The following TMEM45B variants were observed in gnomAD, a reference collection of about 807,000 sequenced individuals.
TMEM45B encodes transmembrane protein 45B.
In TMEM45B, 29 loss-of-function variants were observed where a neutral mutation model predicts 27.3. The observed-to-expected ratio is 1.06, with a 90% CI of 0.79 to 1.45. The LOEUF is 1.45. TMEM45B is among the 40% of genes most tolerant of loss of function. The pLI, the probability that TMEM45B is intolerant of heterozygous loss-of-function variation, is 0.00. For missense variants in TMEM45B, 348 were observed against 343.9 expected (o/e 1.01, Z -0.09); for synonymous variants, 143 against 134.7 (o/e 1.06, Z -0.43).
chr11:129,856,052 T>G (rs1208204950), intron 4 of TMEM45B, among the ~76,000 whole-genome samples, 160 bp downstream of exon 4: 8 of 152,154 alleles, frequency 5.3e-5, no homozygotes, highest in Non-Finnish European at 8.8e-5. Flanking sequence ...TGCCCGCCCT[T>G]TGACTCCTAG....
intron 1 of TMEM45B, among the ~76,000 whole-genome samples, chr11:129,836,526 T>C (rs530322483): frequency 1.3e-5 from 2 of 152,300 alleles, no homozygotes; most frequent in East Asian, 3.9e-4. Flanking sequence ...GTTGAAGTCT[T>C]ATCTCCCAGT....
intron 5 of TMEM45B, among the ~76,000 whole-genome samples, chr11:129,857,860 G>T (rs1947952739): frequency 6.6e-6 from 1 of 152,058 alleles, no homozygotes; most frequent in South Asian, 2.1e-4. Context: ...ATAAACCAGA[G>T]CAGAATGTTA....
intron 1 of TMEM45B, among the ~76,000 whole-genome samples, chr11:129,829,169 G>C (rs1325290123): frequency 1.3e-5 from 2 of 152,180 alleles, no homozygotes; most frequent in African/African-American, 4.8e-5. Context: ...AACCAGGACT[G>C]AACTTAGGTC....
intron 1 of TMEM45B, among the ~76,000 whole-genome samples, chr11:129,835,564 C>A (rs1947610206): frequency 6.6e-6 from 1 of 152,156 alleles, no homozygotes; most frequent in Admixed American, 6.5e-5. Flanking sequence ...ATGAGTTATC[C>A]TTAAAGGAAA....
At position 129,847,762 on chromosome 11, in the gene TMEM45B, GAA is replaced by G. The variant is rs530532569; in HGVS notation, c.-8-4710_-8-4709del. ...AATTTTTCTTAGTACAGAACAAAAT[GAA>G]AAGTCTCCCATGTCTACTTCTTTCT... is the stretch of plus-strand genomic sequence containing the variant. On this transcript the variant is annotated intron_variant, in intron 1 of 5. Transcript: ENST00000281441. 3.1e-3 allele frequency among the ~76,000 whole-genome samples: 475 copies of G among 152,190 alleles called. 5 individuals are homozygous for G. Among genetic ancestry groups the G allele is most frequent in the African/African-American group, 0.011 (449 of 41,488 alleles).
chr11:129,852,636 A>G lies in TMEM45B; in HGVS notation c.154A>G (p.Ile52Val), dbSNP rs1454616760. ...YQRLEIVEAA[I>V]RTLFSVTGIL... ...GCGTCTCGAGATCGTCGAAGCCGCA[A>G]TTAGGACTTTGTTTTCCGTCACTGG... is the stretch of plus-strand genomic sequence containing the variant. Residue 52 changes from isoleucine (I) to valine (V), a missense_variant, in exon 2 of 6, where the codon ATT becomes GTT. Ile to Val is a conservative substitution (Grantham distance 29). Transcript: ENST00000281441. 6.2e-7 allele frequency: 1 copy of G among 1,608,860 alleles called. No homozygotes were observed.
Position 129,857,439 on chromosome 11 carries a change from A to G in TMEM45B, c.697A>G (p.Asn233Asp). Residue 233 changes from asparagine (N) to aspartate (D), a missense_variant, in exon 5 of 6, where the codon AAC becomes GAC. Physicochemically the swap from Asn to Asp is conservative, Grantham distance 23. Transcript: ENST00000281441. Reference sequence around the variant, plus strand: ...GGCTGCCCTCAGCATTGTGGCCGTCAACTATTCTCTTGTTTACTGGTATGT... The same window carrying G: ...GGCTGCCCTCAGCATTGTGGCCGTCGACTATTCTCTTGTTTACTGGTATGT... ...YLAALSIVAVNYSLVYCLLTR... is the reference protein window; with the variant it reads ...YLAALSIVAVDYSLVYCLLTR... 6.2e-7 allele frequency: 1 copy of G among 1,614,174 alleles called. No individual in the cohort carries two copies. Among genetic ancestry groups the G allele is most frequent in the Non-Finnish European group, 8.5e-7 (1 of 1,180,032 alleles).
intron 1 of TMEM45B, among the ~76,000 whole-genome samples, chr11:129,834,191 GAGGCTGAGGC>G (rs1947589100): frequency 6.6e-6 from 1 of 152,224 alleles, no homozygotes; most frequent in African/African-American, 2.4e-5. Flanking sequence ...AGCACTTTGG[GAGGCTGAGGC>G]AGGCGGATCA....
chr11:129,831,668 A>G (rs1356458363), intron 1 of TMEM45B, among the ~76,000 whole-genome samples: 1 of 152,236 alleles, frequency 6.6e-6, no homozygotes, highest in Non-Finnish European at 1.5e-5. Flanking sequence ...AAAACATGCA[A>G]TTCTTCACAG....
At chr11:129,820,381 G>T (rs1210856985) in intron 1 of TMEM45B, among the ~76,000 whole-genome samples, 1 of 152,156 alleles carries the variant, frequency 6.6e-6, no homozygotes, top group Non-Finnish European at 1.5e-5. Flanking sequence ...ATGAACATTG[G>T]GTAGGCAGCT....
At chr11:129,816,913 A>ATT (rs35094646) in intron 1 of TMEM45B, among the ~76,000 whole-genome samples, 4 of 135,688 alleles carry the variant, frequency 2.9e-5, no homozygotes, top group African/African-American at 8.1e-5. Flanking sequence ...AATTTTTTGT[A>ATT]TTTTTTTTTT....
At chr11:129,819,940 A>G (rs1947398425) in intron 1 of TMEM45B, among the ~76,000 whole-genome samples, 1 of 152,174 alleles carries the variant, frequency 6.6e-6, no homozygotes, top group East Asian at 1.9e-4. Context: ...GGCCAGAACC[A>G]TATCACATAC....
intron 1 of TMEM45B, among the ~76,000 whole-genome samples, chr11:129,843,527 A>G (rs1223184293): frequency 6.6e-6 from 1 of 152,072 alleles, no homozygotes; most frequent in Non-Finnish European, 1.5e-5. Flanking sequence ...AAGGTGATTG[A>G]GATTTTTGTA....
chr11:129,819,845 C>G (rs563376001), intron 1 of TMEM45B, among the ~76,000 whole-genome samples: 1 of 151,994 alleles, frequency 6.6e-6, no homozygotes, highest in Non-Finnish European at 1.5e-5. Context: ...TGAGCCACCA[C>G]GCCTGGCCTG....
At chr11:129,830,480 CAG>C (rs1307674731) in intron 1 of TMEM45B, among the ~76,000 whole-genome samples, 2 of 152,010 alleles carry the variant, frequency 1.3e-5, no homozygotes, top group Non-Finnish European at 2.9e-5. Context: ...AGAAAAAAAA[CAG>C]ATAAATTGGA....
At chr11:129,845,338 TGTGTGTGTGTG>T (rs1370381376) in intron 1 of TMEM45B, among the ~76,000 whole-genome samples, 50 of 35,002 alleles carry the variant, frequency 1.4e-3, no homozygotes, top group African/African-American at 2.6e-3. Flanking sequence ...CTATTATAGA[TGTGTGTGTGTG>T]TGTGTGTGTG....
intron 1 of TMEM45B, among the ~76,000 whole-genome samples, chr11:129,826,791 T>C (rs1190063109): frequency 2.0e-5 from 3 of 149,594 alleles, no homozygotes; most frequent in African/African-American, 4.9e-5. Flanking sequence ...CACTGCAAGC[T>C]CCACCTCCTG....
At chr11:129,839,782 G>A (rs569469973) in intron 1 of TMEM45B, among the ~76,000 whole-genome samples, 2 of 152,214 alleles carry the variant, frequency 1.3e-5, no homozygotes, top group Admixed American at 6.5e-5. Context: ...CAATCTTCCC[G>A]CCTCAGGCTT....
At chr11:129,815,975 G>A (rs929875915) in intron 1 of TMEM45B, 77 bp downstream of exon 1, 1 of 1,256,722 alleles carries the variant, frequency 8.0e-7, no homozygotes, top group Non-Finnish European at 1.0e-6. Context: ...CAAGGAGCGG[G>A]GCTGTGATGG....
Sources: gnomAD v4.1 joint callset for allele counts (sites outside exome capture counted in the v4.1 genomes callset) on GRCh38, gnomAD v4.1.1 for gene constraint, MANE v1.5 for transcripts, NCBI Gene and HGNC (gene_info 2026-07-23, HGNC 2026-07-21) for gene names.